Variants in NLGN1 observed in about 807,000 individuals in gnomAD.
NLGN1 encodes neuroligin-1.
Under a neutral mutation model 65.5 loss-of-function variants are expected in NLGN1, and 12 were observed. The ratio of observed to expected loss-of-function variants is 0.18; its 90% confidence interval spans 0.12 to 0.30. The LOEUF is 0.30. NLGN1 is among the 10% of genes least tolerant of loss of function. The pLI, the probability that NLGN1 is intolerant of heterozygous loss-of-function variation, is 1.00. For synonymous variants in NLGN1, 350 were observed against 359.5 expected, an observed-to-expected ratio of 0.97 and a Z score of 0.30; for missense variants, 750 against 1,007.1, an observed-to-expected ratio of 0.74 and a Z score of 3.46.
At chr3:174,076,723 GAGT>G (rs1741064023) in intron 4 of NLGN1, among the ~76,000 whole-genome samples, 1 of 113,692 alleles carries the variant, frequency 8.8e-6, no homozygotes, top group South Asian at 2.9e-4. Flanking sequence ...GAGAGAGAGA[GAGT>G]GTGTGTGTGT....
At chr3:173,863,917 C>T (rs181464223) in intron 4 of NLGN1, among the ~76,000 whole-genome samples, 1 of 152,312 alleles carries the variant, frequency 6.6e-6, no homozygotes, top group Admixed American at 6.5e-5. Context: ...CAATCTATTG[C>T]AGCAGACATA....
chr3:173,472,927 A>G (rs1429940170), intron 2 of NLGN1, among the ~76,000 whole-genome samples: 3 of 152,154 alleles, frequency 2.0e-5, no homozygotes, highest in Non-Finnish European at 4.4e-5. Context: ...CGGATCTTGC[A>G]TCATGAATAA....
chr3:173,693,342 T>A (rs1238428908), intron 3 of NLGN1, among the ~76,000 whole-genome samples: 3 of 152,082 alleles, frequency 2.0e-5, no homozygotes, highest in Admixed American at 1.3e-4. Flanking sequence ...AATACTATTA[T>A]TGCAAATTCC....
At chr3:174,028,491 T>C (rs1427884115) in intron 4 of NLGN1, among the ~76,000 whole-genome samples, 1 of 152,162 alleles carries the variant, frequency 6.6e-6, no homozygotes, top group East Asian at 1.9e-4. Flanking sequence ...TTGTGGAACT[T>C]TGAACTTGAG....
intron 4 of NLGN1, among the ~76,000 whole-genome samples, chr3:174,267,163 G>A (rs755851983): frequency 2.0e-5 from 3 of 152,158 alleles, no homozygotes; most frequent in Non-Finnish European, 2.9e-5. Context: ...AAAGGAATAC[G>A]TAAGGCTGGA....
At chr3:173,913,665 C>T (rs1740117918) in intron 4 of NLGN1, among the ~76,000 whole-genome samples, 1 of 152,150 alleles carries the variant, frequency 6.6e-6, no homozygotes, top group African/African-American at 2.4e-5. Flanking sequence ...GGACAGGCCA[C>T]ATTTCACTTC....
At chr3:173,748,014 G>A (rs1449008288) in intron 3 of NLGN1, among the ~76,000 whole-genome samples, 1 of 151,238 alleles carries the variant, frequency 6.6e-6, no homozygotes, top group African/African-American at 2.4e-5. Flanking sequence ...TGACCAGGCT[G>A]GTCTCAAATT....
chr3:173,859,222 A>C (rs558699757), intron 4 of NLGN1, among the ~76,000 whole-genome samples: 43 of 152,238 alleles, frequency 2.8e-4, no homozygotes, highest in African/African-American at 9.4e-4. Context: ...TAAAAGAATG[A>C]AGTATTTTGA....
chr3:174,259,014 T>G (rs16858567), intron 4 of NLGN1, among the ~76,000 whole-genome samples: 24,562 of 152,070 alleles, frequency 0.16, 2,303 homozygotes, highest in East Asian at 0.49. Context: ...ACTAAATCAG[T>G]CAGAATAGCT....
chr3:174,197,326 T>C (rs973657336), intron 4 of NLGN1, among the ~76,000 whole-genome samples: 2 of 150,244 alleles, frequency 1.3e-5, no homozygotes, highest in Non-Finnish European at 3.0e-5. Flanking sequence ...GAACCAAGCT[T>C]AAAAACTAAC....
intron 3 of NLGN1, among the ~76,000 whole-genome samples, chr3:173,739,952 AACAG>A: frequency 6.6e-6 from 1 of 152,126 alleles, no homozygotes; most frequent in East Asian, 1.9e-4. Flanking sequence ...TTCATTTCCT[AACAG>A]ACAGTTTAAA....
intron 2 of NLGN1, among the ~76,000 whole-genome samples, chr3:173,563,764 G>A (rs562171806): frequency 5.9e-5 from 9 of 151,522 alleles, no homozygotes; most frequent in East Asian, 3.9e-4. Context: ...TTTCCTCACC[G>A]CCTCTATTAC....
chr3:174,220,288 AG>A, intron 4 of NLGN1, among the ~76,000 whole-genome samples: 1 of 152,152 alleles, frequency 6.6e-6, no homozygotes, highest in Non-Finnish European at 1.5e-5. Flanking sequence ...AGATAAACTG[AG>A]TGGACCAATA....
chr3:173,677,702 A>G (rs1763365547), intron 3 of NLGN1, among the ~76,000 whole-genome samples: 1 of 152,084 alleles, frequency 6.6e-6, no homozygotes, highest in Non-Finnish European at 1.5e-5. Flanking sequence ...ATTTAGCTCC[A>G]TGGGCCAAAA....
chr3:173,680,519 C>A (rs530548517), intron 3 of NLGN1, among the ~76,000 whole-genome samples: 2 of 152,194 alleles, frequency 1.3e-5, no homozygotes, highest in African/African-American at 4.8e-5. Flanking sequence ...ACAATATTCT[C>A]TTTGTTATCA....
chr3:173,489,895 G>A (rs1462089105), intron 2 of NLGN1, among the ~76,000 whole-genome samples: 1 of 152,132 alleles, frequency 6.6e-6, no homozygotes, highest in Non-Finnish European at 1.5e-5. Context: ...TTTGAGAAGT[G>A]TCTGTTCATA....
At chr3:173,468,937 G>A (rs247970) in intron 2 of NLGN1, among the ~76,000 whole-genome samples, 115,721 of 151,988 alleles carry the variant, frequency 0.76, 46,036 homozygotes, top group East Asian at 0.97. Context: ...GACTTGGTGT[G>A]TGACTAGGGT....
chr3:173,665,774 A>G (rs1445569455), intron 3 of NLGN1, among the ~76,000 whole-genome samples: 1 of 152,222 alleles, frequency 6.6e-6, no homozygotes, highest in East Asian at 1.9e-4. Context: ...GTGCAGAGAA[A>G]AGAAATAAAC....
At chr3:174,170,445 C>T (rs575136821) in intron 4 of NLGN1, among the ~76,000 whole-genome samples, 1 of 152,250 alleles carries the variant, frequency 6.6e-6, no homozygotes, top group East Asian at 1.9e-4. Context: ...TCCCTGGCTC[C>T]GTGATGGATT....
Sources: allele counts gnomAD v4.1 joint callset (sites outside exome capture counted in the v4.1 genomes callset), GRCh38; gene constraint gnomAD v4.1.1; transcripts MANE v1.5; gene names NCBI Gene and HGNC (gene_info 2026-07-23, HGNC 2026-07-21).